FAM234A: variants seen among roughly 807,000 people sequenced by gnomAD.
FAM234A encodes family with sequence similarity 234 member A, also known as protein FAM234A.
Under a neutral mutation model 49.1 loss-of-function variants are expected in FAM234A, and 42 were observed. The ratio of observed to expected loss-of-function variants is 0.86; its 90% CI spans 0.67 to 1.11. FAM234A has a LOEUF of 1.11. FAM234A is among the 50% of genes least tolerant of loss of function. The pLI, the probability that FAM234A is intolerant of heterozygous loss-of-function variation, is 0.00. For synonymous variants in FAM234A, 369 were observed against 316.2 expected (o/e 1.17, Z -1.77); for missense variants, 815 against 745.2 (o/e 1.09, Z -1.09).
chr16:262,258 T>C, intron 7 of FAM234A, 33 bp downstream of exon 7: 1 of 1,611,118 alleles, frequency 6.2e-7, no homozygotes, highest in South Asian at 1.1e-5. Flanking sequence ...CTGGCCAGCC[T>C]CACTCGTGGA....
chr16:259,977 T>C lies in FAM234A; in HGVS notation c.394T>C (p.Ser132Pro). 2 of 1,613,034 alleles carry C rather than the reference T, an allele frequency of 1.2e-6. No individual in the cohort carries two copies. The highest frequency in any genetic ancestry group is 1.7e-6 in the Non-Finnish European group (2 of 1,179,820). The change falls in exon 5 of 13, where the codon TCT (serine) becomes CCT (proline). Residue 132 changes from serine to proline, a missense_variant. By Grantham distance (74) the Ser-to-Pro change is moderately conservative. Coordinates refer to ENST00000399932, the MANE Select transcript of FAM234A (RefSeq NM_032039.4). ...SRSCVDEGFSSPCTFAAAVSG... is the reference protein window; with the variant it reads ...SRSCVDEGFSPPCTFAAAVSG... ...GGTGTCTCTCCCTACAGGCTTTTCC[T>C]CTCCCTGCACCTTTGCAGCTGCTGT...
chr16:259,633 C>T, intron 4 of FAM234A, 34 bp downstream of exon 4: 1 of 1,327,462 alleles, frequency 7.5e-7, no homozygotes, highest in African/African-American at 1.5e-5. Context: ...GGCGGAGCTC[C>T]CTGTAGAAAG....
At chr16:236,903 A>AAAAAAATAAATAAAT (rs1307945440) in intron 1 of FAM234A, among the ~76,000 whole-genome samples, 2 of 137,904 alleles carry the variant, frequency 1.5e-5, no homozygotes, top group African/African-American at 5.9e-5. Flanking sequence ...AGACTGTCTC[A>AAAAAAATAAATAAAT]AAAAAATAAA....
chr16:255,474 T>C (rs2051195419), intron 3 of FAM234A, among the ~76,000 whole-genome samples: 1 of 152,130 alleles, frequency 6.6e-6, no homozygotes, highest in Non-Finnish European at 1.5e-5. Context: ...CTTGGGAGGC[T>C]GAGGTAGGAG....
intron 9 of FAM234A, 54 bp from the exon 10 acceptor site, chr16:263,646 A>C (rs1164852345): frequency 1.1e-5 from 16 of 1,435,462 alleles, no homozygotes; most frequent in African/African-American, 1.4e-5. Flanking sequence ...TGCTTCCTTC[A>C]TCTCAGTCTC....
intron 1 of FAM234A, among the ~76,000 whole-genome samples, chr16:237,870 T>C (rs2050457011): frequency 6.6e-6 from 1 of 151,434 alleles, no homozygotes; most frequent in Non-Finnish European, 1.5e-5. Flanking sequence ...CGCCCAGCTA[T>C]TTTTTTTATT....
At chr16:258,423 C>T (rs372743900) in intron 3 of FAM234A, among the ~76,000 whole-genome samples, 2 of 152,134 alleles carry the variant, frequency 1.3e-5, no homozygotes, top group African/African-American at 4.8e-5. Context: ...TTAATCCATT[C>T]AACCCTGAGT....
intron 5 of FAM234A, chr16:260,494 G>A (rs1221614679): frequency 1.8e-5 from 9 of 496,950 alleles, no homozygotes; most frequent in Admixed American, 1.2e-4. Flanking sequence ...TGTCAGTGGT[G>A]GCAGTGCCCA....
At chr16:237,088 T>C (rs1190270979) in intron 1 of FAM234A, among the ~76,000 whole-genome samples, 4 of 151,238 alleles carry the variant, frequency 2.6e-5, no homozygotes, top group East Asian at 1.9e-4. Context: ...TAAAAAAATA[T>C]GTAGATGGGT....
intron 1 of FAM234A, among the ~76,000 whole-genome samples, chr16:235,340 C>T (rs150297435): frequency 6.6e-6 from 1 of 152,164 alleles, no homozygotes; most frequent in Non-Finnish European, 1.5e-5. Context: ...ACGCTGTCTG[C>T]AAGCTTGTCC....
At chr16:237,892 C>T (rs147989490) in intron 1 of FAM234A, among the ~76,000 whole-genome samples, 3,521 of 151,752 alleles carry the variant, frequency 0.023, 127 homozygotes, top group African/African-American at 0.081. Flanking sequence ...TTAGTAAAGA[C>T]GGGGTTTCAC....
downstream of FAM234A, among the ~76,000 whole-genome samples, chr16:268,063 TCA>T (rs1249266360): frequency 9.9e-5 from 14 of 141,414 alleles, no homozygotes; most frequent in African/African-American, 3.6e-4. Flanking sequence ...CTACACACAA[TCA>T]CACATGCTAT....
At chr16:267,553 C>T (rs916891306), downstream of FAM234A, among the ~76,000 whole-genome samples, 1 of 117,608 alleles carries the variant, frequency 8.5e-6, no homozygotes, top group Non-Finnish European at 1.9e-5. Context: ...GCATGCCTCA[C>T]AGTACACCTG....
intron 5 of FAM234A, chr16:260,897 C>T (rs778822136): frequency 6.1e-6 from 2 of 328,938 alleles, no homozygotes; most frequent in African/African-American, 4.4e-5. Flanking sequence ...CGGGCGCACA[C>T]CTCCATTCTT....
intron 1 of FAM234A, among the ~76,000 whole-genome samples, chr16:236,101 C>T (rs534412416): frequency 3.3e-5 from 5 of 152,054 alleles, no homozygotes; most frequent in South Asian, 2.1e-4. Flanking sequence ...TACAGGTGCC[C>T]GCCACCACAC....
chr16:265,045 G>A lies in FAM234A; in HGVS notation c.*23G>A, dbSNP rs1421391193. The A allele has an allele frequency of 1.1e-5, 17 of 1,578,344 alleles. No homozygotes were observed. The highest frequency in any genetic ancestry group is 1.3e-5 in the African/African-American group (1 of 74,416). ...TAGAGGCACGCCAGCCAGAGCCTGTGGAGAGACTCCGCCTGCTGACACTAA... is the reference window on the plus strand; with the variant it reads ...TAGAGGCACGCCAGCCAGAGCCTGTAGAGAGACTCCGCCTGCTGACACTAA... On this transcript the variant is annotated 3_prime_UTR_variant, in exon 13 of 13. Coordinates refer to ENST00000399932, the MANE Select transcript of FAM234A (RefSeq NM_032039.4).
chr16:238,947 T>C (rs1047953725), intron 1 of FAM234A, among the ~76,000 whole-genome samples: 2 of 145,342 alleles, frequency 1.4e-5, no homozygotes, highest in African/African-American at 5.1e-5. Context: ...CCGGGTGTCA[T>C]GGCACGTGCC....
In FAM234A at chr16:258,205, G is replaced by T. The variant is rs867289760; in HGVS notation, c.269-1278G>T. Among the ~76,000 whole-genome samples, 3 of 151,868 alleles carry T rather than the reference G, an allele frequency of 2.0e-5. No homozygotes were observed. The South Asian group carries it at 6.2e-4, about 32-fold the overall frequency. On this transcript the variant is annotated intron_variant, in intron 3 of 12. Transcript: ENST00000399932. ...CATTCTTGGGTGTTTCTCGCAGAGG[G>T]GGATTTGGCAGGGTCATACGACAAT...
At chr16:236,702 C>G (rs1186046846) in intron 1 of FAM234A, among the ~76,000 whole-genome samples, 2 of 150,074 alleles carry the variant, frequency 1.3e-5, no homozygotes, top group African/African-American at 2.4e-5. Context: ...GTCAGGAGAT[C>G]GAGACCATCG....
Sources: allele counts gnomAD v4.1 joint callset (sites outside exome capture counted in the v4.1 genomes callset), GRCh38; gene constraint gnomAD v4.1.1; transcripts MANE v1.5; gene names NCBI Gene and HGNC (gene_info 2026-07-23, HGNC 2026-07-21).